Variants in ANTXR2 observed in about 807,000 individuals in gnomAD.
ANTXR2 encodes the protein anthrax toxin receptor 2.
A neutral mutation model predicts 73.7 loss-of-function variants in ANTXR2; 44 were observed. The observed-to-expected ratio is 0.60, with a 90% CI of 0.47 to 0.77. The LOEUF (loss-of-function observed/expected upper bound fraction) is 0.77, where lower values mean the gene tolerates loss of function less well. Among genes scored for constraint, ANTXR2 ranks in the 30% least tolerant of loss-of-function variants. The pLI is 0.00. For missense variants in ANTXR2, 604 were observed against 592.5 expected, an observed-to-expected ratio of 1.02 and a Z score of -0.20; for synonymous variants, 217 against 205.9, an observed-to-expected ratio of 1.05 and a Z score of -0.46.
At position 80,033,474 on chromosome 4, in the gene ANTXR2, G is replaced by A. The variant is rs529468896; in HGVS notation, c.794C>T (p.Thr265Met). Reference sequence around the variant, plus strand: ...CACTGAGATTACTGGGGACCTACTCGTTGTATATGTTTCATTTACAGTGTA... The same window carrying A: ...CACTGAGATTACTGGGGACCTACTCATTGTATATGTTTCATTTACAGTGTA... Reference protein sequence around the residue: ...CTYTVNETYTTSVKPVSVQLN... With the variant: ...CTYTVNETYTMSVKPVSVQLN... Residue 265 changes from threonine (T) to methionine (M), a missense_variant and splice_region_variant, in exon 9 of 17, where the codon ACG becomes ATG. Coordinates refer to ENST00000403729, the MANE Select transcript of ANTXR2 (RefSeq NM_058172.6). The A allele has an allele frequency of 2.0e-5, 32 of 1,593,998 alleles. No homozygotes were observed. Among genetic ancestry groups the A allele is most frequent in the African/African-American group, 5.4e-5 (4 of 73,732 alleles).
chr4:80,000,165 C>A (rs1015647424), intron 12 of ANTXR2, among the ~76,000 whole-genome samples: 1 of 151,994 alleles, frequency 6.6e-6, no homozygotes, highest in African/African-American at 2.4e-5. Flanking sequence ...GCTTCTACTT[C>A]AGAGTTTCAT....
chr4:80,048,277 A>C (rs562366117), intron 7 of ANTXR2, among the ~76,000 whole-genome samples: 24 of 151,000 alleles, frequency 1.6e-4, no homozygotes, highest in South Asian at 1.0e-3. Flanking sequence ...TAAAAAAAAA[A>C]AAAAACAAAA....
At chr4:80,003,834 C>T (rs1415128022) in intron 12 of ANTXR2, among the ~76,000 whole-genome samples, 1 of 152,080 alleles carries the variant, frequency 6.6e-6, no homozygotes, top group African/African-American at 2.4e-5. Flanking sequence ...GGTACCACCA[C>T]TCTGGGTAAC....
chr4:79,959,781 G>T (rs1459839479), intron 16 of ANTXR2, among the ~76,000 whole-genome samples: 1 of 152,164 alleles, frequency 6.6e-6, no homozygotes, highest in Non-Finnish European at 1.5e-5. Context: ...GACAACAGGG[G>T]GTCAAAGCGG....
intron 16 of ANTXR2, among the ~76,000 whole-genome samples, chr4:79,918,005 G>A (rs1361383734): frequency 6.6e-6 from 1 of 151,544 alleles, no homozygotes; most frequent in African/African-American, 2.4e-5. Context: ...CAGAAGAGAT[G>A]GAAACTATAA....
At chr4:80,067,092 G>C (rs1734535428) in intron 3 of ANTXR2, among the ~76,000 whole-genome samples, 1 of 152,132 alleles carries the variant, frequency 6.6e-6, no homozygotes, top group Non-Finnish European at 1.5e-5. Flanking sequence ...TGTAGTCTCA[G>C]CTACGCGGGA....
intron 16 of ANTXR2, among the ~76,000 whole-genome samples, chr4:79,947,385 T>C (rs141623795): frequency 6.6e-6 from 1 of 152,138 alleles, no homozygotes; most frequent in African/African-American, 2.4e-5. Flanking sequence ...ACAACAAGGA[T>C]TGGTTTGGCA....
chr4:79,979,494 T>A (rs986267720), intron 14 of ANTXR2, among the ~76,000 whole-genome samples: 1 of 152,208 alleles, frequency 6.6e-6, no homozygotes, highest in Non-Finnish European at 1.5e-5. Context: ...TGGAAAGAAC[T>A]ATTCAGTCTT....
Position 79,903,565 on chromosome 4 carries a change from C to CA in ANTXR2, c.*3863dup, listed in dbSNP as rs879205030. Reference sequence around the variant, plus strand: ...CATTATGGATTTTCAAAAACAACAACAAAAAAGTCTTTCTTTTATCCGATC... The same window carrying CA: ...CATTATGGATTTTCAAAAACAACAACAAAAAAAGTCTTTCTTTTATCCGATC... On this transcript the variant is annotated 3_prime_UTR_variant, in exon 17 of 17. Transcript: ENST00000403729. 1.3e-5 allele frequency: 2 copies of CA among 151,932 alleles called. No homozygotes were observed. The highest frequency in any genetic ancestry group is 4.8e-5 in the African/African-American group (2 of 41,392). 9.4% of individuals were successfully genotyped at this position (151,932 alleles called of 1,614,324 possible).
intron 12 of ANTXR2, among the ~76,000 whole-genome samples, chr4:79,996,424 C>T (rs972940117): frequency 2.6e-5 from 4 of 151,794 alleles, no homozygotes; most frequent in African/African-American, 9.7e-5. Context: ...CTTTTAATAA[C>T]TATGTAAGAT....
At chr4:79,984,229 T>G (rs1730008198) in intron 13 of ANTXR2, among the ~76,000 whole-genome samples, 1 of 152,190 alleles carries the variant, frequency 6.6e-6, no homozygotes, top group African/African-American at 2.4e-5. Flanking sequence ...GTTCTTTAAC[T>G]ATGGGAATCA....
rs181721253 is a variant in ANTXR2 at position 80,058,617 on chromosome 4, G to A, written c.297-2604C>T. Among the ~76,000 whole-genome samples the A allele has an allele frequency of 2.3e-3, 355 of 151,684 alleles. 9 individuals are homozygous for A. The highest frequency in any genetic ancestry group is 0.021 in the Admixed American group (326 of 15,234). ...GTTTTTCAATTGGTAAACAGTTAAC[G>A]GTGAAAAAGCAAAATAATGTGGTAG... On this transcript the variant is annotated intron_variant, in intron 3 of 16. Coordinates refer to ENST00000403729, the MANE Select transcript of ANTXR2 (RefSeq NM_058172.6).
intron 10 of ANTXR2, among the ~76,000 whole-genome samples, chr4:80,026,319 C>T (rs1561010399): frequency 6.6e-6 from 1 of 152,078 alleles, no homozygotes; most frequent in Admixed American, 6.6e-5. Context: ...GTCTTTGCTC[C>T]CCCTTAGCCT....
chr4:80,051,106 T>C (rs1384933365), intron 7 of ANTXR2, among the ~76,000 whole-genome samples: 1 of 151,662 alleles, frequency 6.6e-6, no homozygotes, highest in Non-Finnish European at 1.5e-5. Flanking sequence ...CAGAGTCCAG[T>C]TCAAATTTCA....
At chr4:79,999,194 G>A (rs1005696191) in intron 12 of ANTXR2, among the ~76,000 whole-genome samples, 2 of 151,764 alleles carry the variant, frequency 1.3e-5, no homozygotes, top group Non-Finnish European at 2.9e-5. Context: ...ATCTCATCTC[G>A]AATTGTAATC....
intron 7 of ANTXR2, among the ~76,000 whole-genome samples, chr4:80,040,656 C>T (rs915248572): frequency 6.6e-6 from 1 of 151,820 alleles, no homozygotes; most frequent in Non-Finnish European, 1.5e-5. Context: ...AAATCAAGTG[C>T]TTAATAAATC....
chr4:80,036,038 AAAG>A lies in ANTXR2; in HGVS notation c.637-9_637-7del. 6.6e-7 allele frequency: 1 copy of A among 1,505,020 alleles called. No homozygotes were observed. The highest frequency in any genetic ancestry group is 8.8e-7 in the Non-Finnish European group (1 of 1,131,716). 93.2% of individuals were successfully genotyped at this position (1,505,020 alleles called of 1,614,324 possible). On this transcript the variant is annotated splice_region_variant and splice_polypyrimidine_tract_variant and intron_variant, in intron 7 of 16. Transcript: ENST00000403729. Reference sequence around the variant, plus strand: ...GTACATGACTGAGCTAGTATCTAAAAAAGAAAAAAAAAAAAGATTACCAAGCTA... The same window carrying A: ...GTACATGACTGAGCTAGTATCTAAAAAAAAAAAAAAAAGATTACCAAGCTA...
intron 7 of ANTXR2, among the ~76,000 whole-genome samples, chr4:80,040,706 T>C (rs937142410): frequency 1.3e-5 from 2 of 151,798 alleles, no homozygotes; most frequent in Non-Finnish European, 2.9e-5. Context: ...ATGCAAAATT[T>C]CATCATTTGA....
At chr4:79,909,158 G>A (rs1727029616) in intron 16 of ANTXR2, among the ~76,000 whole-genome samples, 2 of 152,126 alleles carry the variant, frequency 1.3e-5, no homozygotes, top group Admixed American at 1.3e-4. Flanking sequence ...TATGAGGAAT[G>A]ATATTATGAC....
Sources: gnomAD v4.1 joint callset for allele counts (sites outside exome capture counted in the v4.1 genomes callset) on GRCh38, gnomAD v4.1.1 for gene constraint, MANE v1.5 for transcripts, NCBI Gene and HGNC (gene_info 2026-07-23, HGNC 2026-07-21) for gene names.